Variants in TEP1 observed in about 807,000 individuals in gnomAD.
The protein encoded by TEP1 is telomerase protein component 1.
Under a neutral mutation model 306.3 loss-of-function variants are expected in TEP1, and 241 were observed. The ratio of observed to expected loss-of-function variants is 0.79; its 90% CI spans 0.71 to 0.88. The LOEUF (loss-of-function observed/expected upper bound fraction) is 0.88, where lower values mean the gene tolerates loss of function less well. Ranked by LOEUF, TEP1 falls within the 40% of genes least tolerant of loss-of-function variation. The pLI, the probability that TEP1 is intolerant of heterozygous loss-of-function variation, is 0.00. For synonymous variants in TEP1, 1,289 were observed against 1,305.5 expected, an observed-to-expected ratio of 0.99 and a Z score of 0.27; for missense variants, 3,051 against 3,276.1, an observed-to-expected ratio of 0.93 and a Z score of 1.68.
chr14:20,391,037 C>A lies in TEP1; in HGVS notation c.2157G>T (p.Val719=). 1 of 1,614,130 alleles carries A rather than the reference C, an allele frequency of 6.2e-7. No individual in the cohort carries two copies. Among genetic ancestry groups the A allele is most frequent in the South Asian group, 1.1e-5 (1 of 91,080 alleles). The change falls in exon 14 of 55, where the codon GTG becomes GTT. Residue 719 remains valine (V), a synonymous_variant. Coordinates refer to ENST00000262715, the MANE Select transcript of TEP1 (RefSeq NM_007110.5). ...IGMMITRAEQ[V]DVVLCGGDTL... ...TGTCACCTCCACACAGCACGACGTC[C>A]ACCTGCTCCGCCCTCGTGATCATCA...
Position 20,369,565 on chromosome 14 carries a change from A to T in TEP1, c.7435T>A (p.Leu2479Met). 6.2e-7 allele frequency: 1 copy of T among 1,614,184 alleles called. No homozygotes were observed. ...QAKPESESSF[L>M]CASSDGILWN... ...AGGATCCCATCAGAGCTGGCACACA[A>T]AAATGAGGACTCTGCCATTTTAAGG... The change falls in exon 53 of 55, where the codon TTG becomes ATG. Residue 2479 changes from leucine (L) to methionine (M), a missense_variant. By Grantham distance (15) the Leu-to-Met change is conservative. Transcript: ENST00000262715.
chr14:20,375,686 G>A lies in TEP1; in HGVS notation c.6363+69C>T, dbSNP rs564962777. The A allele has an allele frequency of 1.8e-4, 171 of 952,202 alleles. No homozygotes were observed. In the African/African-American group the frequency reaches 2.3e-3, roughly 13 times the overall value. 59.0% of individuals were successfully genotyped at this position (952,202 alleles called of 1,614,324 possible). ...TATTAATGGGTGCCAGAAAAAGGACGAGGTGGGGAGTGTTGTCTTGCCCCA... is the reference window on the plus strand; with the variant it reads ...TATTAATGGGTGCCAGAAAAAGGACAAGGTGGGGAGTGTTGTCTTGCCCCA... On this transcript the variant is annotated intron_variant, in intron 43 of 54. Transcript: ENST00000262715.
Position 20,383,563 on chromosome 14 carries a change from G to A in TEP1, c.3792C>T (p.Ile1264=). 2 of 1,614,190 alleles carry A rather than the reference G, an allele frequency of 1.2e-6. No homozygotes were observed. The highest frequency in any genetic ancestry group is 1.7e-6 in the Non-Finnish European group (2 of 1,180,024). Reference sequence around the variant, plus strand: ...CCACTAACCTATCAGCCCCATCGATGATCAGGACCTGGGTCTGGCCAGGAT... The same window carrying A: ...CCACTAACCTATCAGCCCCATCGATAATCAGGACCTGGGTCTGGCCAGGAT... ...SLHPGQTQVL[I]IDGADRLVDQ... Residue 1264 remains isoleucine (I), a synonymous_variant, in exon 26 of 55, where the codon ATC becomes ATT. Transcript: ENST00000262715.
chr14:20,410,014 C>A, intron 1 of TEP1, among the ~76,000 whole-genome samples: 1 of 60,712 alleles, frequency 1.6e-5, no homozygotes, highest in East Asian at 4.1e-4. Flanking sequence ...GAGCAAGACT[C>A]TGTCTCAAAA....
chr14:20,379,732 A>G (rs1053923786), intron 35 of TEP1, among the ~76,000 whole-genome samples, 198 bp downstream of exon 35: 1 of 152,260 alleles, frequency 6.6e-6, no homozygotes, highest in Non-Finnish European at 1.5e-5. Context: ...CGCTTAGCAC[A>G]GTGCCTTAAA....
chr14:20,383,261 A>G lies in TEP1; in HGVS notation c.3960T>C (p.Pro1320=), dbSNP rs1876759366. 3 of 1,613,796 alleles carry G rather than the reference A, an allele frequency of 1.9e-6. No homozygotes were observed. The highest frequency in any genetic ancestry group is 2.5e-6 in the Non-Finnish European group (3 of 1,179,922). Residue 1320 remains proline (P), a synonymous_variant, in exon 27 of 55, where the codon CCT becomes CCC. Transcript: ENST00000262715. ...SQGAHVLALG[P]LEASARARLV... ...GCCGGGCCCGAGCAGAGGCCTCCAG[A>G]GGCCCCAAGGCCAGCACGTGGGCAC...
rs1047844528 is a variant in TEP1 at position 20,391,734 on chromosome 14, C to T, written c.1962G>A (p.Arg654=). The T allele has an allele frequency of 1.2e-6, 2 of 1,614,048 alleles. No homozygotes were observed. The highest frequency in any genetic ancestry group is 1.7e-6 in the Non-Finnish European group (2 of 1,180,024). Reference sequence around the variant, plus strand: ...CAGCTGTCTCTAGGGCCTGTCGGTACCTGTTCAGCATCTCACCATCATATT... The same window carrying T: ...CAGCTGTCTCTAGGGCCTGTCGGTATCTGTTCAGCATCTCACCATCATATT... The part of the protein sequence containing the change: ...QWKYDGEMLN[R]YRQALETAVN... The change falls in exon 13 of 55, where the codon AGG becomes AGA. Residue 654 remains arginine, a synonymous_variant. Coordinates refer to ENST00000262715, the MANE Select transcript of TEP1 (RefSeq NM_007110.5).
At position 20,386,446 on chromosome 14, in the gene TEP1, C is replaced by A; in HGVS notation, c.2861+1G>T. 1 of 1,599,272 alleles carries A rather than the reference C, an allele frequency of 6.3e-7. No individual in the cohort carries two copies. The highest frequency in any genetic ancestry group is 2.0e-4 in the Middle Eastern group (1 of 4,984). On this transcript the variant is annotated splice_donor_variant, in intron 19 of 54. Transcript: ENST00000262715. LOFTEE classifies it high-confidence loss of function. ...GCCCCTCTTCTCTGCAGCCCCCACA[C>A]CTGTTCCTACGGGTCTCCTCCTCAG...
intron 14 of TEP1, 23 bp downstream of exon 14, chr14:20,390,915 A>G: frequency 6.2e-7 from 1 of 1,613,448 alleles, no homozygotes; most frequent in Non-Finnish European, 8.5e-7. Flanking sequence ...GTATTTTTGG[A>G]TGGTGGGTGT....
chr14:20,408,607 G>C (rs774661875), intron 1 of TEP1, 144 bp from the exon 2 acceptor site: 2 of 680,040 alleles, frequency 2.9e-6, no homozygotes, highest in Non-Finnish European at 2.4e-6. Context: ...CCAGGACTGG[G>C]TTCATCCAGA....
At chr14:20,369,876 T>A (rs1015380056) in intron 51 of TEP1, 97 bp from the exon 52 acceptor site, 45 of 926,876 alleles carry the variant, frequency 4.9e-5, no homozygotes, top group Middle Eastern at 6.9e-4. Flanking sequence ...TCAGGAATTT[T>A]TTTTTTTTTT....
At chr14:20,393,504 G>A (rs1029008137) in intron 12 of TEP1, among the ~76,000 whole-genome samples, 9 of 152,056 alleles carry the variant, frequency 5.9e-5, no homozygotes, top group Non-Finnish European at 8.8e-5. Flanking sequence ...TTTTCTTTAA[G>A]AGACAAGACA....
rs748800734 is a variant in TEP1, at chr14:20,373,005, A to T, written c.6951+6T>A. On this transcript the variant is annotated splice_donor_region_variant and intron_variant, in intron 48 of 54. Transcript: ENST00000262715. ...CAGACAAAGAACCAAGGGTACACCG[A>T]CTCACCTGTGCTGTGGCCACAGCCT... 19 of 1,613,984 alleles carry T rather than the reference A, an allele frequency of 1.2e-5. No homozygotes were observed. The highest frequency in any genetic ancestry group is 1.6e-5 in the Non-Finnish European group (19 of 1,179,980).
chr14:20,374,398 C>T lies in TEP1; in HGVS notation c.6471+31G>A, dbSNP rs146231909. 11,757 of 1,519,440 alleles carry T rather than the reference C, an allele frequency of 7.7e-3. 72 individuals carry two copies. Among genetic ancestry groups the T allele is most frequent in the Middle Eastern group, 0.019 (110 of 5,692 alleles). 94.1% of individuals were successfully genotyped at this position (1,519,440 alleles called of 1,614,324 possible). On this transcript the variant is annotated intron_variant, in intron 44 of 54. Transcript: ENST00000262715. ...AAAGCCCCCTTAGCCCTTCCAGAGA[C>T]CCCCCAGTGGGATCTCCATTGCTTT... is the stretch of plus-strand genomic sequence containing the variant.
rs1241520444 is a variant in TEP1 at position 20,391,678 on chromosome 14, A to T, written c.2018T>A (p.Leu673Gln). Residue 673 changes from leucine to glutamine, a missense_variant, in exon 13 of 55, where the codon CTG becomes CAG. Transcript: ENST00000262715. ...GACCAAGACAGTGCGGCCTGGCAGC[A>T]GGGGCAGGCTGTGCTTCACAGAGAG... ...VNLSVKHSLP[L>Q]LPGRTVLVYL... 9.3e-6 allele frequency: 15 copies of T among 1,614,196 alleles called. No homozygotes were observed. Among genetic ancestry groups the T allele is most frequent in the Non-Finnish European group, 1.2e-5 (14 of 1,180,034 alleles).
chr14:20,377,652 C>T lies in TEP1; in HGVS notation c.5823G>A (p.Arg1941=). The change falls in exon 40 of 55, where the codon CGG becomes CGA. Residue 1941 remains arginine, a synonymous_variant. Transcript: ENST00000262715. ...CATCCGCTCGATATCCAACAGCCAC[C>T]CGATCACCATCTGGGCTGAGTGCCA... ...LSVALSPDGD[R]VAVGYRADGI... 1 of 1,614,128 alleles carries T rather than the reference C, an allele frequency of 6.2e-7. No homozygotes were observed. Among genetic ancestry groups the T allele is most frequent in the Middle Eastern group, 1.6e-4 (1 of 6,062 alleles).
intron 8 of TEP1, 71 bp from the exon 9 acceptor site, chr14:20,401,212 A>AG: frequency 6.4e-7 from 1 of 1,563,648 alleles, no homozygotes; most frequent in African/African-American, 1.4e-5. Flanking sequence ...AGGAAAGGTG[A>AG]GTCATGTTTA....
At position 20,384,494 on chromosome 14, in the gene TEP1, C is replaced by T. The variant is rs766317083; in HGVS notation, c.3236G>A (p.Trp1079Ter). The T allele has an allele frequency of 6.2e-7, 1 of 1,614,154 alleles. No homozygotes were observed. Among genetic ancestry groups the T allele is most frequent in the Middle Eastern group, 1.6e-4 (1 of 6,062 alleles). The change falls in exon 23 of 55, where the codon TGG (tryptophan) becomes TAG (stop). Residue 1079 changes from tryptophan to a stop codon, truncating the protein, a stop_gained. Coordinates refer to ENST00000262715, the MANE Select transcript of TEP1 (RefSeq NM_007110.5). LOFTEE classifies it high-confidence loss of function. ...GGGCCGGCCAGCTGCCACACCCCCC[C>T]ACTCACAGGGGTATCTGTGGGCAAA... ...GITCRRYPCE[W>*]GGVAAGRPYV...
intron 1 of TEP1, among the ~76,000 whole-genome samples, chr14:20,410,340 G>A (rs1377609247): frequency 6.6e-6 from 1 of 152,030 alleles, no homozygotes; most frequent in African/African-American, 2.4e-5. Flanking sequence ...AGATGTGGTA[G>A]CCTGCAATCC....
Sources: allele counts gnomAD v4.1 joint callset (sites outside exome capture counted in the v4.1 genomes callset), GRCh38; gene constraint gnomAD v4.1.1; transcripts MANE v1.5; gene names NCBI Gene and HGNC (gene_info 2026-07-23, HGNC 2026-07-21).